Variants in PUS10 observed in about 807,000 individuals in gnomAD.
PUS10 encodes the protein pseudouridine synthase 10, also known as tRNA pseudouridine synthase Pus10.
Under a neutral mutation model 75.0 loss-of-function variants are expected in PUS10, and 59 were observed. That is an observed-to-expected ratio of 0.79 (90% CI 0.64 to 0.98). The LOEUF (loss-of-function observed/expected upper bound fraction) is 0.98, where lower values mean the gene tolerates loss of function less well. PUS10 is among the 50% of genes least tolerant of loss of function. PUS10 has a pLI of 0.00. For synonymous variants in PUS10, 219 were observed against 211.6 expected (o/e 1.03, Z -0.30); for missense variants, 650 against 614.4 (o/e 1.06, Z -0.61).
At chr2:60,961,955 C>T (rs1331553390) in intron 9 of PUS10, among the ~76,000 whole-genome samples, 4 of 152,128 alleles carry the variant, frequency 2.6e-5, no homozygotes, top group South Asian at 2.1e-4. Flanking sequence ...ATCACATCAT[C>T]GTTTGAAATG....
At chr2:60,999,540 G>C (rs549051746) in intron 4 of PUS10, among the ~76,000 whole-genome samples, 55 of 152,246 alleles carry the variant, frequency 3.6e-4, no homozygotes, top group African/African-American at 1.2e-3. Context: ...GATTACTTGA[G>C]CCTAAGAGGT....
At position 61,017,791 on chromosome 2, in the gene PUS10, C is replaced by G. The variant is rs564528921; in HGVS notation, c.-16+217G>C. On this transcript the variant is annotated intron_variant, in intron 1 of 17. Coordinates refer to ENST00000316752, the MANE Select transcript of PUS10 (RefSeq NM_144709.4). ...TCCCAGCCGCCACCTCCCCCCAAAC[C>G]CTGGGAGACCCGCCGAATTCCGGGA... 4.5e-6 allele frequency: 7 copies of G among 1,550,428 alleles called. No homozygotes were observed. In the Middle Eastern group the frequency reaches 5.1e-4, roughly 112 times the overall value.
intron 4 of PUS10, among the ~76,000 whole-genome samples, chr2:60,992,977 A>C (rs1222072949): frequency 6.6e-6 from 1 of 152,262 alleles, no homozygotes; most frequent in Non-Finnish European, 1.5e-5. Context: ...TAAAGATAAA[A>C]AACTAGCCCT....
chr2:60,974,459 T>G (rs1676902556), intron 4 of PUS10, among the ~76,000 whole-genome samples: 1 of 152,092 alleles, frequency 6.6e-6, no homozygotes, highest in African/African-American at 2.4e-5. Flanking sequence ...ACTCAGGACC[T>G]GACAAATGGT....
At chr2:61,012,987 T>C (rs1019564406) in intron 1 of PUS10, among the ~76,000 whole-genome samples, 27 of 149,714 alleles carry the variant, frequency 1.8e-4, no homozygotes, top group Admixed American at 6.7e-4. Flanking sequence ...CTCACATCTA[T>C]AGTCTCACCA....
intron 4 of PUS10, among the ~76,000 whole-genome samples, chr2:60,999,997 T>A (rs752435457): frequency 6.6e-6 from 1 of 152,138 alleles, no homozygotes; most frequent in Non-Finnish European, 1.5e-5. Context: ...CCATTTTATA[T>A]GAGAAACTTA....
Position 61,018,143 on chromosome 2 carries a change from T to C in PUS10, c.-151A>G. The C allele has an allele frequency of 1.9e-6, 3 of 1,550,208 alleles. No homozygotes were observed. The highest frequency in any genetic ancestry group is 2.6e-6 in the Non-Finnish European group (3 of 1,146,580). ...GGGGGGCGGCTTCCTACCTACCGCT[T>C]CTGTTTTCACTTTGACAGAATGGCT... is the stretch of plus-strand genomic sequence containing the variant. On this transcript the variant is annotated 5_prime_UTR_variant, in exon 1 of 18. Transcript: ENST00000316752.
At chr2:61,003,300 A>G (rs1444501106) in intron 4 of PUS10, among the ~76,000 whole-genome samples, 1 of 152,030 alleles carries the variant, frequency 6.6e-6, no homozygotes, top group Non-Finnish European at 1.5e-5. Context: ...CGTCTCTACT[A>G]AAAATACAAA....
chr2:60,966,927 G>A (rs946595363), intron 6 of PUS10: 1 of 152,292 alleles, frequency 6.6e-6, no homozygotes, highest in African/African-American at 2.4e-5. Flanking sequence ...TTTCACACCT[G>A]GAAGCCTGTT....
At chr2:60,999,049 A>T (rs1280154403) in intron 4 of PUS10, among the ~76,000 whole-genome samples, 3 of 151,928 alleles carry the variant, frequency 2.0e-5, no homozygotes, top group Non-Finnish European at 4.4e-5. Context: ...TTTAAAGTCA[A>T]TGGACTAAGC....
intron 4 of PUS10, among the ~76,000 whole-genome samples, chr2:60,979,334 TA>T (rs1285012240): frequency 3.3e-5 from 5 of 152,176 alleles, no homozygotes; most frequent in African/African-American, 7.2e-5. Flanking sequence ...GCTAGTGCCT[TA>T]AGCTTCTGCT....
intron 1 of PUS10, chr2:61,017,673 G>T (rs948835447): frequency 1.8e-6 from 2 of 1,087,174 alleles, no homozygotes; most frequent in South Asian, 1.4e-5. Flanking sequence ...TCGGTGTTCT[G>T]CCCGTTGTGT....
chr2:60,979,053 G>A (rs1303009010), intron 4 of PUS10, among the ~76,000 whole-genome samples: 1 of 152,106 alleles, frequency 6.6e-6, no homozygotes, highest in Non-Finnish European at 1.5e-5. Flanking sequence ...ATAGTTGTGT[G>A]GGCAGCTGGA....
intron 1 of PUS10, among the ~76,000 whole-genome samples, chr2:61,013,088 C>CA (rs1298130123): frequency 1.3e-5 from 2 of 150,384 alleles, no homozygotes; most frequent in Non-Finnish European, 3.0e-5. Flanking sequence ...CCTGTCTCTA[C>CA]AAAAAAATTG....
At chr2:61,015,939 T>C (rs921996332) in intron 1 of PUS10, among the ~76,000 whole-genome samples, 6 of 152,220 alleles carry the variant, frequency 3.9e-5, no homozygotes, top group African/African-American at 1.2e-4. Context: ...GAATTTTACT[T>C]AATTCAGAAG....
At chr2:60,947,861 GAAAA>G (rs1435414324) in intron 16 of PUS10, among the ~76,000 whole-genome samples, 178 bp downstream of exon 16, 2 of 141,444 alleles carry the variant, frequency 1.4e-5, no homozygotes, top group Admixed American at 1.4e-4. Flanking sequence ...GAAAAGAAAA[GAAAA>G]AGAAAATTAA....
At chr2:60,987,651 A>G (rs1677805190) in intron 4 of PUS10, among the ~76,000 whole-genome samples, 1 of 152,184 alleles carries the variant, frequency 6.6e-6, no homozygotes, top group Non-Finnish European at 1.5e-5. Flanking sequence ...ATAGCTAAAC[A>G]GGTCAGTGCA....
chr2:61,018,129 T>G lies in PUS10; in HGVS notation c.-137A>C. 1.3e-6 allele frequency: 2 copies of G among 1,549,076 alleles called. No individual in the cohort carries two copies. Among genetic ancestry groups the G allele is most frequent in the South Asian group, 2.4e-5 (2 of 83,988 alleles). ...GTGCTTGAAAGAAAGGGGGGCGGCTTCCTACCTACCGCTTCTGTTTTCACT... is the reference window on the plus strand; with the variant it reads ...GTGCTTGAAAGAAAGGGGGGCGGCTGCCTACCTACCGCTTCTGTTTTCACT... On this transcript the variant is annotated 5_prime_UTR_variant, in exon 1 of 18. Coordinates refer to ENST00000316752, the MANE Select transcript of PUS10 (RefSeq NM_144709.4).
chr2:60,955,075 CT>C lies in PUS10; in HGVS notation c.1001-2del. ...CTTCCAGAGGATGAAAAATTAAAAC[CT>C]TTGAAAAGCAGATAAAGAAAAAAAA... is the stretch of plus-strand genomic sequence containing the variant. On this transcript the variant is annotated splice_acceptor_variant, in intron 11 of 17. Coordinates refer to ENST00000316752, the MANE Select transcript of PUS10 (RefSeq NM_144709.4). LOFTEE classifies it high-confidence loss of function. The C allele has an allele frequency of 6.3e-7, 1 of 1,587,024 alleles. No homozygotes were observed. The highest frequency in any genetic ancestry group is 1.1e-5 in the South Asian group (1 of 87,508).
Sources: allele counts gnomAD v4.1 joint callset (sites outside exome capture counted in the v4.1 genomes callset), GRCh38; gene constraint gnomAD v4.1.1; transcripts MANE v1.5; gene names NCBI Gene and HGNC (gene_info 2026-07-23, HGNC 2026-07-21).